Variants in ZNF430 observed in about 807,000 individuals in gnomAD.
ZNF430 encodes the protein zinc finger protein 430.
A neutral mutation model predicts 56.7 loss-of-function variants in ZNF430; 35 were observed. The observed-to-expected ratio is 0.62, with a 90% CI of 0.47 to 0.82. ZNF430 has a LOEUF of 0.82. ZNF430 is among the 40% of genes least tolerant of loss of function. The probability of loss-of-function intolerance (pLI) is 0.00; values close to 1 mark genes in which losing one functional copy is unlikely to be tolerated. For missense variants in ZNF430, 574 were observed against 661.0 expected (o/e 0.87, Z 1.44); for synonymous variants, 212 against 224.3 (o/e 0.94, Z 0.49).
intron 4 of ZNF430, among the ~76,000 whole-genome samples, chr19:21,044,252 T>A (rs964266351): frequency 2.0e-5 from 3 of 152,136 alleles, no homozygotes; most frequent in Non-Finnish European, 4.4e-5. Context: ...TTGAGGTATG[T>A]TCCATAAATA....
intron 4 of ZNF430, among the ~76,000 whole-genome samples, chr19:21,038,696 G>A (rs1968047257): frequency 6.6e-6 from 1 of 151,996 alleles, no homozygotes; most frequent in Non-Finnish European, 1.5e-5. Flanking sequence ...ACAAAGTGCT[G>A]GCATTACAGG....
intron 4 of ZNF430, among the ~76,000 whole-genome samples, chr19:21,043,508 T>G (rs1968141589): frequency 9.6e-6 from 1 of 103,670 alleles, no homozygotes; most frequent in African/African-American, 2.5e-5. Flanking sequence ...ACCAGGATGT[T>G]TTGGTTACTA....
chr19:21,021,365 G>A (rs928622733), intron 1 of ZNF430, among the ~76,000 whole-genome samples: 3 of 151,986 alleles, frequency 2.0e-5, no homozygotes, highest in Non-Finnish European at 2.9e-5. Flanking sequence ...CGGGCATGGT[G>A]GTACACGCCT....
At chr19:21,020,992 C>T (rs1472827706) in intron 1 of ZNF430, among the ~76,000 whole-genome samples, 189 bp downstream of exon 1, 2 of 152,194 alleles carry the variant, frequency 1.3e-5, no homozygotes, top group African/African-American at 2.4e-5. Context: ...GGCCCCAGCA[C>T]GTCCCGTCTC....
rs150321251 is a variant in ZNF430 at position 21,033,126 on chromosome 19, G to A, written c.97-330G>A. On this transcript the variant is annotated intron_variant, in intron 2 of 4. Coordinates refer to ENST00000261560, the MANE Select transcript of ZNF430 (RefSeq NM_025189.4). ...TCCCAGCATTTTGGGAGGCCAAGGC[G>A]GGTGGCTCACCTGAGGTTGAGAGTT... Among the ~76,000 whole-genome samples, 6 of 152,084 alleles carry A rather than the reference G, an allele frequency of 3.9e-5. No homozygotes were observed. The East Asian group carries it at 1.2e-3, about 29-fold the overall frequency.
At position 21,034,177 on chromosome 19, in the gene ZNF430, A is replaced by T. The variant is rs1967952690; in HGVS notation, c.315A>T (p.Gln105His). 6.3e-7 allele frequency: 1 copy of T among 1,597,478 alleles called. No individual in the cohort carries two copies. The highest frequency in any genetic ancestry group is 8.5e-7 in the Non-Finnish European group (1 of 1,170,510). ...TGAAGAGACATGCGATGGTAGATCA[A>T]CCCCCAGGTAGGTGAGAGTGAACAC... Reference protein sequence around the residue: ...WNMKRHAMVDQPPVTYSHFAQ... With the variant: ...WNMKRHAMVDHPPVTYSHFAQ... The change falls in exon 4 of 5, where the codon CAA becomes CAT. Residue 105 changes from glutamine to histidine, a missense_variant. This residue lies in a region of ZNF430 where 346 missense variants were observed against 399.1 expected (regional missense o/e 0.87). Transcript: ENST00000261560.
intron 4 of ZNF430, among the ~76,000 whole-genome samples, chr19:21,041,201 C>T (rs895459078): frequency 6.6e-6 from 1 of 152,134 alleles, no homozygotes; most frequent in Non-Finnish European, 1.5e-5. Context: ...GATTACAGCT[C>T]GCTGCAGCCT....
At chr19:21,056,502 A>T in intron 4 of ZNF430, 129 bp from the exon 5 acceptor site, 1 of 651,326 alleles carries the variant, frequency 1.5e-6, no homozygotes, top group Non-Finnish European at 2.3e-6. Flanking sequence ...AAAAAAAAAA[A>T]TTAGGGCCTT....
In ZNF430 at chr19:21,057,793, C is replaced by A. The variant is rs1363700990; in HGVS notation, c.1485C>A (p.Asn495Lys). 4 of 1,614,026 alleles carry A rather than the reference C, an allele frequency of 2.5e-6. No individual in the cohort carries two copies. The Admixed American group carries it at 6.7e-5, about 27-fold the overall frequency. Residue 495 changes from asparagine (N) to lysine (K), a missense_variant, in exon 5 of 5, where the codon AAC (asparagine) becomes AAA (lysine). This residue lies in a region of ZNF430 where 213 missense variants were observed against 221.0 expected (regional missense o/e 0.96). Transcript: ENST00000261560. The part of the protein sequence containing the change: ...YKCEECGKAF[N>K]QFSNLTKHKI... Reference sequence around the variant, plus strand: ...GTGAAGAATGTGGCAAAGCTTTTAACCAATTCTCAAACCTTACTAAACATA... The same window carrying A: ...GTGAAGAATGTGGCAAAGCTTTTAAACAATTCTCAAACCTTACTAAACATA...
chr19:21,032,367 A>G (rs759339631), intron 2 of ZNF430, among the ~76,000 whole-genome samples: 2 of 152,170 alleles, frequency 1.3e-5, no homozygotes, highest in Admixed American at 6.6e-5. Flanking sequence ...TTCAGATTAT[A>G]ATTTACTGTT....
intron 4 of ZNF430, among the ~76,000 whole-genome samples, chr19:21,041,624 C>T (rs545263141): frequency 1.3e-5 from 2 of 152,290 alleles, no homozygotes; most frequent in Non-Finnish European, 1.5e-5. Context: ...GTGTGAAGCC[C>T]TGCATGCATT....
chr19:21,024,455 T>A (rs1177082127), intron 2 of ZNF430, among the ~76,000 whole-genome samples: 1 of 152,120 alleles, frequency 6.6e-6, no homozygotes, highest in Non-Finnish European at 1.5e-5. Flanking sequence ...AGAAAAGGGC[T>A]TTCTTTCATG....
Position 21,057,631 on chromosome 19 carries a change from C to T in ZNF430, c.1323C>T (p.Ser441=). The T allele has an allele frequency of 1.2e-6, 2 of 1,612,054 alleles. No homozygotes were observed. Among genetic ancestry groups the T allele is most frequent in the South Asian group, 2.2e-5 (2 of 90,720 alleles). Residue 441 remains serine, a synonymous_variant, in exon 5 of 5, where the codon TCC becomes TCT. Transcript: ENST00000261560. ...AATGTGGCAAAGCTTTTAATGAGTC[C>T]TCAAACCTTACTGCACATAAGATAA... The part of the protein sequence containing the change: ...CEQCGKAFNE[S]SNLTAHKIIH...
chr19:21,048,472 T>C (rs376205876), intron 4 of ZNF430, among the ~76,000 whole-genome samples: 25 of 152,002 alleles, frequency 1.6e-4, no homozygotes, highest in South Asian at 4.2e-4. Flanking sequence ...GTGGACACAG[T>C]ACATGTTTTA....
intron 4 of ZNF430, among the ~76,000 whole-genome samples, chr19:21,049,728 C>CATTTCGTGTAACATTTCTTGTTAT (rs1968251776): frequency 1.3e-5 from 2 of 152,118 alleles, no homozygotes; most frequent in Non-Finnish European, 1.5e-5. Context: ...TTTCTTGTTA[C>CATTTCGTGTAACATTTCTTGTTAT]ATTTCGTGTA....
chr19:21,048,109 G>T, intron 4 of ZNF430, among the ~76,000 whole-genome samples: 1 of 133,730 alleles, frequency 7.5e-6, no homozygotes, highest in Non-Finnish European at 1.6e-5. Flanking sequence ...TAAATATTAT[G>T]TAATCACCTT....
In ZNF430 at chr19:21,022,859, T is replaced by C. The variant is rs1032768308; in HGVS notation, c.74T>C (p.Leu25Pro). The change falls in exon 2 of 5, where the codon CTG becomes CCG. Residue 25 changes from leucine to proline, a missense_variant. Leu to Pro is a moderately conservative substitution (Grantham distance 98, BLOSUM62 -3). Coordinates refer to ENST00000261560, the MANE Select transcript of ZNF430 (RefSeq NM_025189.4). The part of the protein sequence containing the change: ...SGCPGADRNL[L>P]VYSFYEKGPL... ...TGCCCTGGGGCTGACAGGAATCTTC[T>C]GGTGTACTCTTTTTATGAAAAGGTA... The C allele has an allele frequency of 6.2e-7, 1 of 1,613,680 alleles. No individual in the cohort carries two copies. Among genetic ancestry groups the C allele is most frequent in the Non-Finnish European group, 8.5e-7 (1 of 1,179,580 alleles).
chr19:21,057,856 A>G lies in ZNF430; in HGVS notation c.1548A>G (p.Leu516=). 1.2e-6 allele frequency: 2 copies of G among 1,614,050 alleles called. No homozygotes were observed. The highest frequency in any genetic ancestry group is 1.7e-5 in the Admixed American group (1 of 60,014). Residue 516 remains leucine, a synonymous_variant, in exon 5 of 5, where the codon CTA becomes CTG. Transcript: ENST00000261560. ...THIGDTSYKY[L]ECDKAFSQSS... is the part of the protein sequence containing the mutation. ...TTGGAGATACATCTTACAAATACCTAGAATGTGATAAAGCCTTTAGCCAGT... is the reference window on the plus strand; with the variant it reads ...TTGGAGATACATCTTACAAATACCTGGAATGTGATAAAGCCTTTAGCCAGT...
chr19:21,054,674 T>TTTTTTTTTTTTTC (rs1968340856), intron 4 of ZNF430, among the ~76,000 whole-genome samples: 1 of 132,036 alleles, frequency 7.6e-6, no homozygotes, highest in African/African-American at 2.9e-5. Context: ...TACGTCTTTT[T>TTTTTTTTTTTTTC]TTTTTTTTTT....
Sources: gnomAD v4.1 joint callset for allele counts (sites outside exome capture counted in the v4.1 genomes callset) on GRCh38, gnomAD v4.1.1 for gene constraint, gnomAD v4.1.1 regional missense constraint, MANE v1.5 for transcripts, NCBI Gene and HGNC (gene_info 2026-07-23, HGNC 2026-07-21) for gene names.